ARHGAP35: variants seen among roughly 807,000 people sequenced by gnomAD.
ARHGAP35 encodes rho GTPase-activating protein 35.
In ARHGAP35, 15 loss-of-function variants were observed where a neutral mutation model predicts 111.1. That is an observed-to-expected ratio of 0.13 (90% CI 0.09 to 0.21). The LOEUF is 0.21. ARHGAP35 is among the 10% of genes least tolerant of loss of function. The pLI is 1.00. For synonymous variants in ARHGAP35, 643 were observed against 710.3 expected (o/e 0.91, Z 1.51); for missense variants, 1,262 against 1,873.0 (o/e 0.67, Z 6.02).
intron 3 of ARHGAP35, among the ~76,000 whole-genome samples, chr19:46,974,802 C>T (rs985216839): frequency 1.3e-5 from 2 of 152,182 alleles, no homozygotes; most frequent in African/African-American, 4.8e-5. Flanking sequence ...TGGAGACCAG[C>T]CCCCATATCC....
At chr19:46,969,586 G>A (rs979335521) in intron 3 of ARHGAP35, among the ~76,000 whole-genome samples, 7 of 152,294 alleles carry the variant, frequency 4.6e-5, no homozygotes, top group South Asian at 2.1e-4. Context: ...CATCCAGCCC[G>A]CGTGAGCTGC....
chr19:46,879,080 A>T (rs1053628812), intron 1 of ARHGAP35, among the ~76,000 whole-genome samples: 2 of 152,314 alleles, frequency 1.3e-5, no homozygotes, highest in South Asian at 2.1e-4. Context: ...TTTATCAGCT[A>T]AGCTATGTAA....
intron 3 of ARHGAP35, among the ~76,000 whole-genome samples, chr19:46,953,422 G>A (rs2056423100): frequency 6.6e-6 from 1 of 152,170 alleles, no homozygotes; most frequent in South Asian, 2.1e-4. Context: ...AGAACAGCAA[G>A]TGCAAACGTC....
chr19:46,909,126 C>A (rs575738730), intron 1 of ARHGAP35, among the ~76,000 whole-genome samples: 1 of 151,862 alleles, frequency 6.6e-6, no homozygotes, highest in Non-Finnish European at 1.5e-5. Flanking sequence ...ATAGTGAGAC[C>A]TCATCTCTAC....
At chr19:46,996,661 G>A (rs921813701) in intron 5 of ARHGAP35, among the ~76,000 whole-genome samples, 4 of 152,186 alleles carry the variant, frequency 2.6e-5, no homozygotes, top group African/African-American at 7.2e-5. Flanking sequence ...AGGCACCTAC[G>A]GAGAGACCTG....
At position 46,920,538 on chromosome 19, in the gene ARHGAP35, A is replaced by G; in HGVS notation, c.1863A>G (p.Thr621=). The change falls in exon 2 of 7, where the codon ACA becomes ACG. Residue 621 remains threonine (T), a synonymous_variant. Coordinates refer to ENST00000672722, the MANE Select transcript of ARHGAP35 (RefSeq NM_004491.5). This position sits in a 1 kb window ranked among gnomAD's most constrained non-coding sequence, Gnocchi z 7.0. ...CCAATGAGATTCGAGCTCTTTGTACAAATGATGACAAGTATGTGATAGATG... is the reference window on the plus strand; with the variant it reads ...CCAATGAGATTCGAGCTCTTTGTACGAATGATGACAAGTATGTGATAGATG... The part of the protein sequence containing the change: ...ELANEIRALC[T]NDDKYVIDGK... The G allele has an allele frequency of 6.2e-7, 1 of 1,614,016 alleles. No homozygotes were observed. Among genetic ancestry groups the G allele is most frequent in the African/African-American group, 1.3e-5 (1 of 75,070 alleles).
intron 3 of ARHGAP35, among the ~76,000 whole-genome samples, chr19:46,982,807 G>T (rs2056627799): frequency 6.6e-6 from 1 of 151,922 alleles, no homozygotes; most frequent in South Asian, 2.1e-4. Flanking sequence ...CATTTTGGGA[G>T]GCAATGGCAA....
Position 46,870,091 on chromosome 19 carries a change from C to T in ARHGAP35, c.-189+8882C>T, listed in dbSNP as rs140376503. Among the ~76,000 whole-genome samples the T allele has an allele frequency of 5.2e-3, 784 of 151,526 alleles. 9 individuals are homozygous for T. The highest frequency in any genetic ancestry group is 0.018 in the African/African-American group (760 of 41,326). On this transcript the variant is annotated intron_variant, in intron 1 of 6. Transcript: ENST00000672722. ...CCACCCAAGTAGCTGGGACTACAGG[C>T]GCCCGCCACCATGCCTGGCTAATAT...
chr19:46,956,419 C>CTT (rs1276748702), intron 3 of ARHGAP35, among the ~76,000 whole-genome samples: 7 of 138,816 alleles, frequency 5.0e-5, no homozygotes, highest in African/African-American at 7.9e-5. Context: ...CCCAAGATAT[C>CTT]TTTTTTTTTT....
At chr19:46,888,073 T>G (rs2056001507) in intron 1 of ARHGAP35, among the ~76,000 whole-genome samples, 1 of 150,224 alleles carries the variant, frequency 6.7e-6, no homozygotes, top group South Asian at 2.1e-4. Context: ...TGCCTCAGCC[T>G]CCTGAGTAGC....
At chr19:46,935,419 G>A (rs1238333114) in intron 2 of ARHGAP35, among the ~76,000 whole-genome samples, 1 of 152,158 alleles carries the variant, frequency 6.6e-6, no homozygotes, top group African/African-American at 2.4e-5. Context: ...ATTATATTCT[G>A]ATCTGTTCTT....
At chr19:46,968,683 A>G (rs926548175) in intron 3 of ARHGAP35, among the ~76,000 whole-genome samples, 1 of 152,232 alleles carries the variant, frequency 6.6e-6, no homozygotes, top group Non-Finnish European at 1.5e-5. Context: ...CAGATGGATG[A>G]ACCTTGAAAA....
intron 1 of ARHGAP35, among the ~76,000 whole-genome samples, chr19:46,898,276 G>T (rs146134743): frequency 4.0e-5 from 6 of 150,670 alleles, no homozygotes; most frequent in Non-Finnish European, 8.9e-5. Flanking sequence ...TGCCCTCTGT[G>T]TGTAAGGTTC....
At position 46,979,108 on chromosome 19, in the gene ARHGAP35, G is replaced by A. The variant is rs544669626; in HGVS notation, c.3827-8881G>A. On this transcript the variant is annotated intron_variant, in intron 3 of 6. Coordinates refer to ENST00000672722, the MANE Select transcript of ARHGAP35 (RefSeq NM_004491.5). The stretch of plus-strand genomic sequence containing the variant: ...GGGATGTGTGTGTGTTTGTAGGGGG[G>A]TGTGTATGTGGTGGATGTAGTACAC... 8.6e-5 allele frequency among the ~76,000 whole-genome samples: 13 copies of A among 151,602 alleles called. 1 individual carries two copies. In the South Asian group the frequency reaches 2.1e-3, roughly 24 times the overall value.
chr19:46,944,450 C>G (rs2056366951), intron 3 of ARHGAP35, among the ~76,000 whole-genome samples: 1 of 152,124 alleles, frequency 6.6e-6, no homozygotes, highest in African/African-American at 2.4e-5. Context: ...TAATGCTAGT[C>G]CCCCAAAACA....
At chr19:46,916,158 T>C (rs1274095774) in intron 1 of ARHGAP35, among the ~76,000 whole-genome samples, 2 of 152,018 alleles carry the variant, frequency 1.3e-5, no homozygotes, top group African/African-American at 2.4e-5. Flanking sequence ...ATGGTCTTGA[T>C]CTCCTGACCT....
chr19:46,988,170 A>G lies in ARHGAP35; in HGVS notation c.3904+104A>G. The stretch of plus-strand genomic sequence containing the variant: ...GGCTTCGGAGCACTCCTGCCAGCAC[A>G]GACCCAAAGCCACGAGGTGCTGAGA... On this transcript the variant is annotated intron_variant, in intron 4 of 6. Coordinates refer to ENST00000672722, the MANE Select transcript of ARHGAP35 (RefSeq NM_004491.5). The surrounding 1 kb of genome is among the most constrained non-coding windows in gnomAD (Gnocchi z 5.4). 8.9e-7 allele frequency: 1 copy of G among 1,120,594 alleles called. No homozygotes were observed. 69.4% of individuals were successfully genotyped at this position (1,120,594 alleles called of 1,614,324 possible). A position where few individuals can be genotyped will look rare whatever the true frequency, so the allele number is the denominator to read the frequency against.
rs146746327 is a variant in ARHGAP35 at position 46,986,866 on chromosome 19, T to C, written c.3827-1123T>C. Among the ~76,000 whole-genome samples, 1,071 of 152,370 alleles carry C rather than the reference T, an allele frequency of 7.0e-3. 6 individuals are homozygous for C. The highest frequency in any genetic ancestry group is 8.7e-3 in the Non-Finnish European group (592 of 68,036). ...ATTTTCAGACAGAGTTTTGCTCTTGTTGCCCAGGCTGGAGTGCAGTGGCAC... is the reference window on the plus strand; with the variant it reads ...ATTTTCAGACAGAGTTTTGCTCTTGCTGCCCAGGCTGGAGTGCAGTGGCAC... On this transcript the variant is annotated intron_variant, in intron 3 of 6. Coordinates refer to ENST00000672722, the MANE Select transcript of ARHGAP35 (RefSeq NM_004491.5). This position sits in a 1 kb window ranked among gnomAD's most constrained non-coding sequence, Gnocchi z 4.3.
chr19:46,863,696 T>C (rs563329497), intron 1 of ARHGAP35, among the ~76,000 whole-genome samples: 18 of 151,228 alleles, frequency 1.2e-4, no homozygotes, highest in African/African-American at 4.4e-4. Context: ...TATTTCAATA[T>C]ATAGTTTTAC....
Sources: gnomAD v4.1 joint callset for allele counts (sites outside exome capture counted in the v4.1 genomes callset) on GRCh38, gnomAD v4.1.1 for gene constraint, Gnocchi (gnomAD v3.1) non-coding constraint, MANE v1.5 for transcripts, NCBI Gene and HGNC (gene_info 2026-07-23, HGNC 2026-07-21) for gene names.